The following DYRK3 variants were observed in gnomAD, a reference collection of about 807,000 sequenced individuals.
The protein encoded by DYRK3 is dual specificity tyrosine phosphorylation regulated kinase 3.
DYRK3 carries 30 observed loss-of-function variants against 40.8 expected under a neutral mutation model. The ratio of observed to expected loss-of-function variants is 0.74; its 90% CI spans 0.55 to 1.00. DYRK3 has a LOEUF of 1.00. Among genes scored for constraint, DYRK3 ranks in the 50% least tolerant of loss-of-function variants. The pLI is 0.00. For missense variants in DYRK3, 699 were observed against 731.5 expected (o/e 0.96, Z 0.51); for synonymous variants, 272 against 260.7 (o/e 1.04, Z -0.42).
At position 206,652,306 on chromosome 1, in the gene DYRK3, A is replaced by G. The variant is rs543942697; in HGVS notation, c.*3341A>G. On this transcript the variant is annotated 3_prime_UTR_variant, in exon 3 of 3. Transcript: ENST00000367109. ...AAACTGTTAAAAGCATTACTACCCCATATGCATCTGATGTACACTGTGTTT... is the reference window on the plus strand; with the variant it reads ...AAACTGTTAAAAGCATTACTACCCCGTATGCATCTGATGTACACTGTGTTT... 2.6e-5 allele frequency among the ~76,000 whole-genome samples: 4 copies of G among 152,288 alleles called. No homozygotes were observed. In the East Asian group the frequency reaches 7.7e-4, roughly 29 times the overall value.
Position 206,637,646 on chromosome 1 carries a change from C to A in DYRK3, c.78-4C>A. ...CAGATTTTGTCTGTAATCCTTTTAA[C>A]TAGGTTGGGGGATGGTGTCTATGAC... On this transcript the variant is annotated splice_polypyrimidine_tract_variant and splice_region_variant and intron_variant, in intron 1 of 2. Coordinates refer to ENST00000367109, the MANE Select transcript of DYRK3 (RefSeq NM_003582.4). 1 of 1,606,426 alleles carries A rather than the reference C, an allele frequency of 6.2e-7. No homozygotes were observed. The highest frequency in any genetic ancestry group is 8.5e-7 in the Non-Finnish European group (1 of 1,173,842).
intron 2 of DYRK3, among the ~76,000 whole-genome samples, chr1:206,644,625 C>T (rs971023685): frequency 1.3e-5 from 2 of 152,106 alleles, no homozygotes; most frequent in Non-Finnish European, 1.5e-5. Context: ...CTGCAACCTC[C>T]ACCTCCCCAG....
chr1:206,649,948 C>T lies in DYRK3; in HGVS notation c.*983C>T, dbSNP rs955237983. On this transcript the variant is annotated 3_prime_UTR_variant, in exon 3 of 3. Coordinates refer to ENST00000367109, the MANE Select transcript of DYRK3 (RefSeq NM_003582.4). Reference sequence around the variant, plus strand: ...TGTGCCACATTTTTCCCCCCACTTTCACGTTAAGCTTAATGCTATTCCCTA... The same window carrying T: ...TGTGCCACATTTTTCCCCCCACTTTTACGTTAAGCTTAATGCTATTCCCTA... 6.6e-6 allele frequency among the ~76,000 whole-genome samples: 1 copy of T among 152,200 alleles called. No homozygotes were observed. The highest frequency in any genetic ancestry group is 6.5e-5 in the Admixed American group (1 of 15,276).
chr1:206,648,209 G>A lies in DYRK3; in HGVS notation c.1011G>A (p.Lys337=), dbSNP rs1251811503. Residue 337 remains lysine (K), a synonymous_variant, in exon 3 of 3, where the codon AAG becomes AAA. Transcript: ENST00000367109. ...ATAAGATTATTCACTGCGATCTGAA[G>A]CCAGAAAACATTCTCCTGAAACACC... is the stretch of plus-strand genomic sequence containing the variant. The part of the protein sequence containing the change: ...HKNKIIHCDL[K]PENILLKHHG... The A allele has an allele frequency of 6.2e-7, 1 of 1,614,034 alleles. No individual in the cohort carries two copies. The highest frequency in any genetic ancestry group is 8.5e-7 in the Non-Finnish European group (1 of 1,180,040).
chr1:206,641,896 T>C (rs1005499080), intron 2 of DYRK3, among the ~76,000 whole-genome samples: 1 of 150,560 alleles, frequency 6.6e-6, no homozygotes, highest in African/African-American at 2.5e-5. Flanking sequence ...AAACACCAAA[T>C]GCAACGGCAA....
Position 206,651,728 on chromosome 1 carries a change from A to T in DYRK3, c.*2763A>T, listed in dbSNP as rs1451272683. On this transcript the variant is annotated 3_prime_UTR_variant, in exon 3 of 3. Transcript: ENST00000367109. ...AAGTCCAGAGCAGGATCCAAGTCAGATGAAGGAGGTGGCACACCTGGCTTA... is the reference window on the plus strand; with the variant it reads ...AAGTCCAGAGCAGGATCCAAGTCAGTTGAAGGAGGTGGCACACCTGGCTTA... Among the ~76,000 whole-genome samples the T allele has an allele frequency of 6.6e-6, 1 of 152,206 alleles. No homozygotes were observed. The highest frequency in any genetic ancestry group is 1.5e-5 in the Non-Finnish European group (1 of 68,038).
chr1:206,648,447 C>T lies in DYRK3; in HGVS notation c.1249C>T (p.Gln417Ter). 1 of 1,614,140 alleles carries T rather than the reference C, an allele frequency of 6.2e-7. No individual in the cohort carries two copies. The change falls in exon 3 of 3, where the codon CAG becomes TAG. Residue 417 changes from glutamine (Q) to a stop codon, truncating the protein, a stop_gained. Coordinates refer to ENST00000367109, the MANE Select transcript of DYRK3 (RefSeq NM_003582.4). LOFTEE classifies it high-confidence loss of function. The stretch of plus-strand genomic sequence containing the variant: ...CTTCCCTGGAGAGGATGAAGGAGAC[C>T]AGTTGGCCTGCATGATGGAGCTTCT... ...PLFPGEDEGDQLACMMELLGM... is the reference protein window; with the variant it reads ...PLFPGEDEGD
chr1:206,641,511 A>T (rs1671289952), intron 2 of DYRK3, among the ~76,000 whole-genome samples: 2 of 150,266 alleles, frequency 1.3e-5, no homozygotes, highest in Non-Finnish European at 2.9e-5. Context: ...GGAAATATTT[A>T]GTGTTTTAAA....
chr1:206,642,165 G>A (rs1460574047), intron 2 of DYRK3, among the ~76,000 whole-genome samples: 1 of 150,632 alleles, frequency 6.6e-6, no homozygotes, highest in East Asian at 2.0e-4. Flanking sequence ...GCAGCCAACA[G>A]ACACATGAAA....
Position 206,636,952 on chromosome 1 carries a change from A to G in DYRK3, c.78-698A>G, listed in dbSNP as rs781965233. The G allele has an allele frequency of 3.1e-6, 5 of 1,611,258 alleles. No individual in the cohort carries two copies. The African/African-American group carries it at 5.3e-5, about 17-fold the overall frequency. Reference sequence around the variant, plus strand: ...TTTTGCCTCCACCATCCACCAGAAAATGAAGTGGAAAGAGAAGTAAATTCA... The same window carrying G: ...TTTTGCCTCCACCATCCACCAGAAAGTGAAGTGGAAAGAGAAGTAAATTCA... On this transcript the variant is annotated intron_variant, in intron 1 of 2. Coordinates refer to ENST00000367109, the MANE Select transcript of DYRK3 (RefSeq NM_003582.4).
At chr1:206,642,816 C>T (rs1399944707) in intron 2 of DYRK3, among the ~76,000 whole-genome samples, 1 of 151,800 alleles carries the variant, frequency 6.6e-6, no homozygotes, top group Non-Finnish European at 1.5e-5. Flanking sequence ...AGGAGATATA[C>T]CTAATGTAAA....
Position 206,651,543 on chromosome 1 carries a change from C to T in DYRK3, c.*2578C>T, listed in dbSNP as rs963391167. 6.6e-6 allele frequency among the ~76,000 whole-genome samples: 1 copy of T among 152,160 alleles called. No homozygotes were observed. The highest frequency in any genetic ancestry group is 1.5e-5 in the Non-Finnish European group (1 of 68,034). On this transcript the variant is annotated 3_prime_UTR_variant, in exon 3 of 3. Transcript: ENST00000367109. ...TAGGGTGTAAAAGCTCATATCTACT[C>T]AAAAAACTCAAATCTACTCTTTCAG...
rs200884244 is a variant in DYRK3 at position 206,648,547 on chromosome 1, G to A, written c.1349G>A (p.Arg450His). The A allele has an allele frequency of 4.3e-5, 70 of 1,614,120 alleles. No individual in the cohort carries two copies. In the East Asian group the frequency reaches 7.6e-4, roughly 17 times the overall value. ...TTTATTAATTCCAAGGGCATACCCC[G>A]CTACTGCTCTGTGACTACCCAGGCA... is the stretch of plus-strand genomic sequence containing the variant. ...KYFINSKGIP[R>H]YCSVTTQADG... Residue 450 changes from arginine (R) to histidine (H), a missense_variant, in exon 3 of 3, where the codon CGC becomes CAC. Coordinates refer to ENST00000367109, the MANE Select transcript of DYRK3 (RefSeq NM_003582.4).
Position 206,650,824 on chromosome 1 carries a change from C to T in DYRK3, c.*1859C>T, listed in dbSNP as rs1343370693. On this transcript the variant is annotated 3_prime_UTR_variant, in exon 3 of 3. Coordinates refer to ENST00000367109, the MANE Select transcript of DYRK3 (RefSeq NM_003582.4). ...TGCAAATCTCTCTCATTTAAATGTC[C>T]ACAGTGGCTTTAGTCTCCCAAGTAC... is the stretch of plus-strand genomic sequence containing the variant. Among the ~76,000 whole-genome samples, 1 of 152,136 alleles carries T rather than the reference C, an allele frequency of 6.6e-6. No homozygotes were observed. Among genetic ancestry groups the T allele is most frequent in the African/African-American group, 2.4e-5 (1 of 41,432 alleles).
At chr1:206,636,788 C>A (rs761233098) in intron 1 of DYRK3, 5 of 745,630 alleles carry the variant, frequency 6.7e-6, no homozygotes, top group Non-Finnish European at 1.0e-5. Flanking sequence ...CTGGGAAATC[C>A]GTGTTCTTGG....
chr1:206,644,056 A>G (rs1553419744), intron 2 of DYRK3, among the ~76,000 whole-genome samples: 1 of 55,564 alleles, frequency 1.8e-5, no homozygotes, highest in Non-Finnish European at 4.3e-5. Flanking sequence ...TTTTTTTGAG[A>G]AGTAGTCTTG....
chr1:206,647,637 C>G lies in DYRK3; in HGVS notation c.439C>G (p.Leu147Val). 6.2e-7 allele frequency: 1 copy of G among 1,614,148 alleles called. No homozygotes were observed. Among genetic ancestry groups the G allele is most frequent in the Admixed American group, 1.7e-5 (1 of 60,018 alleles). The part of the protein sequence containing the change: ...KVVPLTPEQA[L>V]KQYKHHLTAY... ...GGTGCCTCTGACTCCAGAACAAGCC[C>G]TGAAGCAATATAAACACCACCTCAC... The change falls in exon 3 of 3, where the codon CTG (leucine) becomes GTG (valine). Residue 147 changes from leucine to valine, a missense_variant. Leu to Val is a conservative substitution (Grantham distance 32). Coordinates refer to ENST00000367109, the MANE Select transcript of DYRK3 (RefSeq NM_003582.4).
intron 2 of DYRK3, among the ~76,000 whole-genome samples, chr1:206,642,933 T>A (rs1206535874): frequency 4.0e-5 from 6 of 151,046 alleles, no homozygotes; most frequent in African/African-American, 9.7e-5. Context: ...ATAATAATAA[T>A]AAAAATATAA....
intron 1 of DYRK3, 166 bp downstream of exon 1, chr1:206,635,946 G>A: frequency 7.6e-7 from 1 of 1,318,816 alleles, no homozygotes. Flanking sequence ...CTCTATCAGG[G>A]CCCCCTCCCC....
Sources: allele counts gnomAD v4.1 joint callset (sites outside exome capture counted in the v4.1 genomes callset), GRCh38; gene constraint gnomAD v4.1.1; transcripts MANE v1.5; gene names NCBI Gene and HGNC (gene_info 2026-07-23, HGNC 2026-07-21).